The following CDK5RAP2 variants were observed in gnomAD, a reference collection of about 807,000 sequenced individuals.
CDK5RAP2 encodes CDK5 regulatory subunit-associated protein 2.
CDK5RAP2 carries 147 observed loss-of-function variants against 232.9 expected under a neutral mutation model. That is an observed-to-expected ratio of 0.63 (90% confidence interval 0.55 to 0.72). CDK5RAP2 has a LOEUF of 0.72. Ranked by LOEUF, CDK5RAP2 falls within the 30% of genes least tolerant of loss-of-function variation. The pLI is 0.00. For missense variants in CDK5RAP2, 2,195 were observed against 2,231.5 expected, an observed-to-expected ratio of 0.98 and a Z score of 0.33; for synonymous variants, 833 against 833.7, an observed-to-expected ratio of 1.00 and a Z score of 0.01.
At chr9:120,391,738 C>G (rs769004982) in intron 36 of CDK5RAP2, among the ~76,000 whole-genome samples, 1 of 152,218 alleles carries the variant, frequency 6.6e-6, no homozygotes, top group South Asian at 2.1e-4. Context: ...AGGTAGCAAT[C>G]AGCCCTGGCC....
At chr9:120,395,607 G>A (rs1382767572) in intron 35 of CDK5RAP2, among the ~76,000 whole-genome samples, 4 of 152,234 alleles carry the variant, frequency 2.6e-5, no homozygotes, top group East Asian at 1.9e-4. Context: ...CTGCTGCGCC[G>A]AAACACTTCT....
At chr9:120,575,271 T>C (rs1432220903) in intron 1 of CDK5RAP2, among the ~76,000 whole-genome samples, 2 of 152,124 alleles carry the variant, frequency 1.3e-5, no homozygotes, top group African/African-American at 4.8e-5. Flanking sequence ...CAGGCTGGTC[T>C]TGAACTCCTG....
intron 10 of CDK5RAP2, among the ~76,000 whole-genome samples, chr9:120,525,464 C>CT (rs1385241549): frequency 7.9e-5 from 12 of 152,136 alleles, no homozygotes; most frequent in Admixed American, 5.2e-4. Flanking sequence ...CCTCCAGTGA[C>CT]TTTCTCCTAT....
rs545161757 is a variant in CDK5RAP2, at chr9:120,461,578, C to T, written c.2107-911G>A. Among the ~76,000 whole-genome samples, 3 of 152,336 alleles carry T rather than the reference C, an allele frequency of 2.0e-5. No homozygotes were observed. In the East Asian group the frequency reaches 5.8e-4, roughly 29 times the overall value. On this transcript the variant is annotated intron_variant, in intron 18 of 37. Transcript: ENST00000349780. ...GAGTCTGGCCAGGTGCGGTGGCTCA[C>T]ACCTGTAATCCTAGCACTTTGGGAG...
intron 5 of CDK5RAP2, among the ~76,000 whole-genome samples, chr9:120,543,789 C>T (rs979444175): frequency 4.6e-5 from 7 of 152,112 alleles, no homozygotes; most frequent in Non-Finnish European, 1.0e-4. Flanking sequence ...ACCCAGGAGG[C>T]GGAGGTTGCA....
Position 120,454,884 on chromosome 9 carries a change from C to T in CDK5RAP2, c.2376-1011G>A, listed in dbSNP as rs542752829. Among the ~76,000 whole-genome samples the T allele has an allele frequency of 2.6e-5, 4 of 152,338 alleles. No individual in the cohort carries two copies. The South Asian group carries it at 8.3e-4, about 32-fold the overall frequency. ...ACCCTTATTGACTTTGCTTTCATTCCTGTCTTACTCTCCCTGAGCCCTCAT... is the reference window on the plus strand; with the variant it reads ...ACCCTTATTGACTTTGCTTTCATTCTTGTCTTACTCTCCCTGAGCCCTCAT... On this transcript the variant is annotated intron_variant, in intron 20 of 37. Coordinates refer to ENST00000349780, the MANE Select transcript of CDK5RAP2 (RefSeq NM_018249.6).
At chr9:120,532,986 C>T (rs544618308) in intron 7 of CDK5RAP2, among the ~76,000 whole-genome samples, 16 of 152,104 alleles carry the variant, frequency 1.1e-4, no homozygotes, top group Non-Finnish European at 1.9e-4. Context: ...CTAGGATCAC[C>T]TTAAAATGTG....
intron 2 of CDK5RAP2, among the ~76,000 whole-genome samples, chr9:120,571,510 C>T (rs1218457564): frequency 6.6e-6 from 1 of 152,238 alleles, no homozygotes; most frequent in Non-Finnish European, 1.5e-5. Context: ...TCAGAGCCGT[C>T]TCCTGTGGTC....
chr9:120,451,693 T>C (rs2036487464), intron 21 of CDK5RAP2, among the ~76,000 whole-genome samples: 1 of 152,092 alleles, frequency 6.6e-6, no homozygotes, highest in Non-Finnish European at 1.5e-5. Flanking sequence ...CCTGTCTGCA[T>C]TTAAAACCAG....
intron 18 of CDK5RAP2, among the ~76,000 whole-genome samples, chr9:120,466,278 G>C (rs1022427130): frequency 6.6e-6 from 1 of 151,812 alleles, no homozygotes; most frequent in Non-Finnish European, 1.5e-5. Context: ...CCAGAGAACC[G>C]CAGGCTCCAC....
intron 18 of CDK5RAP2, 180 bp from the exon 19 acceptor site, chr9:120,460,847 T>C (rs2037049025): frequency 9.9e-7 from 1 of 1,011,492 alleles, no homozygotes. Context: ...AGTTGCTAGT[T>C]GTGGCGAATC....
At chr9:120,440,398 T>G in intron 23 of CDK5RAP2, 3 of 247,386 alleles carry the variant, frequency 1.2e-5, no homozygotes, top group East Asian at 9.5e-5. Context: ...CATTGCGTGC[T>G]GTGTCATGCC....
intron 10 of CDK5RAP2, among the ~76,000 whole-genome samples, 154 bp from the exon 11 acceptor site, chr9:120,525,232 TA>T (rs1262365207): frequency 6.6e-6 from 1 of 152,230 alleles, no homozygotes; most frequent in African/African-American, 2.4e-5. Flanking sequence ...AGCCGTTTAC[TA>T]GCTGGATGAC....
At chr9:120,510,848 C>T (rs2040047745) in intron 12 of CDK5RAP2, among the ~76,000 whole-genome samples, 1 of 152,188 alleles carries the variant, frequency 6.6e-6, no homozygotes, top group South Asian at 2.1e-4. Context: ...ATCTGTGATC[C>T]TCACTTTTTC....
chr9:120,560,713 C>T lies in CDK5RAP2; in HGVS notation c.195+7608G>A, dbSNP rs140435396. On this transcript the variant is annotated intron_variant, in intron 3 of 37. Transcript: ENST00000349780. ...CTCACTGCAACCTCCGCCTTCCGGG[C>T]TCAAGCGATTCTCCTGCCTTAGCCT... 6.7e-3 allele frequency among the ~76,000 whole-genome samples: 1,018 copies of T among 152,234 alleles called. 13 individuals carry two copies. The highest frequency in any genetic ancestry group is 0.023 in the African/African-American group (938 of 41,544).
intron 5 of CDK5RAP2, among the ~76,000 whole-genome samples, chr9:120,543,456 G>T (rs1474599345): frequency 6.6e-6 from 1 of 152,168 alleles, no homozygotes; most frequent in Non-Finnish European, 1.5e-5. Flanking sequence ...TCCTTGAACA[G>T]TTTCTCTACC....
chr9:120,567,554 T>C (rs1017440193), intron 3 of CDK5RAP2, among the ~76,000 whole-genome samples: 4 of 152,180 alleles, frequency 2.6e-5, no homozygotes. Context: ...TAAAGAGAAC[T>C]GGAATTGGGA....
intron 25 of CDK5RAP2, among the ~76,000 whole-genome samples, chr9:120,425,619 C>G (rs2034845659): frequency 6.6e-6 from 1 of 152,226 alleles, no homozygotes; most frequent in African/African-American, 2.4e-5. Context: ...CTGCACTGAT[C>G]CATTCTGTAC....
chr9:120,467,010 A>G (rs1367303148), intron 18 of CDK5RAP2, among the ~76,000 whole-genome samples: 1 of 152,230 alleles, frequency 6.6e-6, no homozygotes, highest in Non-Finnish European at 1.5e-5. Context: ...TAACATGCGC[A>G]TGAAGCAAGG....
Sources: gnomAD v4.1 joint callset for allele counts (sites outside exome capture counted in the v4.1 genomes callset) on GRCh38, gnomAD v4.1.1 for gene constraint, MANE v1.5 for transcripts, NCBI Gene and HGNC (gene_info 2026-07-23, HGNC 2026-07-21) for gene names.